Variants in CEP170 observed in about 807,000 individuals in gnomAD.
CEP170 encodes centrosomal protein of 170 kDa.
Under a neutral mutation model 151.9 loss-of-function variants are expected in CEP170, and 21 were observed. That is an observed-to-expected ratio of 0.14 (90% CI 0.10 to 0.20). The LOEUF (loss-of-function observed/expected upper bound fraction) is 0.20. Ranked by LOEUF, CEP170 falls within the 10% of genes least tolerant of loss-of-function variation. CEP170 has a pLI of 1.00. For missense variants in CEP170, 964 were observed against 1,892.9 expected (o/e 0.51, Z 9.11); for synonymous variants, 356 against 648.8 (o/e 0.55, Z 6.86).
intron 10 of CEP170, among the ~76,000 whole-genome samples, chr1:243,183,405 C>T (rs2059754882): frequency 6.6e-6 from 1 of 152,118 alleles, no homozygotes. Flanking sequence ...TGACAACACT[C>T]ATCCAGGCAA....
intron 1 of CEP170, among the ~76,000 whole-genome samples, chr1:243,252,933 A>C (rs1476073726): frequency 6.6e-6 from 1 of 152,226 alleles, no homozygotes; most frequent in African/African-American, 2.4e-5. Flanking sequence ...AGTTTAAGTT[A>C]AAAGTAATCA....
intron 10 of CEP170, among the ~76,000 whole-genome samples, chr1:243,182,076 T>C (rs934088570): frequency 1.1e-4 from 17 of 152,118 alleles, no homozygotes; most frequent in Non-Finnish European, 1.9e-4. Context: ...AGATCTCTCA[T>C]GAATATATTA....
chr1:243,136,757 T>C (rs1297390162), intron 16 of CEP170, among the ~76,000 whole-genome samples: 1 of 152,108 alleles, frequency 6.6e-6, no homozygotes, highest in Non-Finnish European at 1.5e-5. Context: ...TTGAGATGCG[T>C]GGGCAAAACC....
intron 16 of CEP170, among the ~76,000 whole-genome samples, chr1:243,137,209 C>A (rs893010986): frequency 6.6e-6 from 1 of 152,096 alleles, no homozygotes; most frequent in Non-Finnish European, 1.5e-5. Flanking sequence ...AAGCCCTAGG[C>A]CAAATCATGA....
chr1:243,176,429 C>A (rs1490561695), intron 10 of CEP170, among the ~76,000 whole-genome samples: 1 of 150,810 alleles, frequency 6.6e-6, no homozygotes, highest in East Asian at 2.0e-4. Flanking sequence ...TCGTACTGGG[C>A]GTAGGAAGTG....
chr1:243,229,061 C>T (rs1467315551), intron 1 of CEP170, among the ~76,000 whole-genome samples: 3 of 152,172 alleles, frequency 2.0e-5, no homozygotes, highest in Non-Finnish European at 2.9e-5. Flanking sequence ...GACAGCTTTC[C>T]GACTGGTCCC....
intron 3 of CEP170, among the ~76,000 whole-genome samples, chr1:243,221,367 C>T (rs1416116058): frequency 6.6e-6 from 1 of 152,202 alleles, no homozygotes; most frequent in African/African-American, 2.4e-5. Flanking sequence ...ACTTCTCTGT[C>T]CCTGAGAGTA....
At chr1:243,149,027 G>A (rs2056811123) in intron 14 of CEP170, among the ~76,000 whole-genome samples, 1 of 152,166 alleles carries the variant, frequency 6.6e-6, no homozygotes, top group African/African-American at 2.4e-5. Context: ...GATTAGAAAA[G>A]CAGTTTGAAT....
intron 1 of CEP170, chr1:243,254,534 T>G (rs1338079018): frequency 6.6e-6 from 1 of 150,380 alleles, no homozygotes; most frequent in East Asian, 2.0e-4. Flanking sequence ...GCCAACCGCC[T>G]CACACCCCAA....
chr1:243,125,326 C>T lies in CEP170; in HGVS notation c.*1123G>A, dbSNP rs1466079802. Reference sequence around the variant, plus strand: ...AGCACAGGCCAAAGGCCTTTGTCGTCGTCTTGCAGGGTCCTTATAAATGTG... The same window carrying T: ...AGCACAGGCCAAAGGCCTTTGTCGTTGTCTTGCAGGGTCCTTATAAATGTG... On this transcript the variant is annotated 3_prime_UTR_variant, in exon 20 of 20. Transcript: ENST00000366542. 6.6e-6 allele frequency: 1 copy of T among 152,632 alleles called. No individual in the cohort carries two copies. Among genetic ancestry groups the T allele is most frequent in the African/African-American group, 2.4e-5 (1 of 41,446 alleles). 9.5% of individuals were successfully genotyped at this position (152,632 alleles called of 1,614,324 possible).
chr1:243,230,541 C>T (rs2063651915), intron 1 of CEP170, among the ~76,000 whole-genome samples: 1 of 151,960 alleles, frequency 6.6e-6, no homozygotes. Flanking sequence ...ATGAGAATAT[C>T]AGTAGGAAGA....
At chr1:243,162,972 T>C (rs1325662417) in intron 13 of CEP170, among the ~76,000 whole-genome samples, 5 of 151,980 alleles carry the variant, frequency 3.3e-5, no homozygotes, top group African/African-American at 1.2e-4. Context: ...ATAAGGAAAA[T>C]GTTGTCTATT....
At chr1:243,134,534 G>C (rs1360528179) in intron 17 of CEP170, among the ~76,000 whole-genome samples, 1 of 152,060 alleles carries the variant, frequency 6.6e-6, no homozygotes, top group Non-Finnish European at 1.5e-5. Context: ...ATCTTGCTCT[G>C]TTGCCCAGGC....
At chr1:243,129,158 G>A (rs541905404) in intron 18 of CEP170, among the ~76,000 whole-genome samples, 1 of 151,898 alleles carries the variant, frequency 6.6e-6, no homozygotes, top group African/African-American at 2.4e-5. Flanking sequence ...AACACAAAAG[G>A]CTCCTCCTTC....
At chr1:243,172,529 C>T (rs554246762) in intron 11 of CEP170, among the ~76,000 whole-genome samples, 168 bp downstream of exon 11, 4 of 152,154 alleles carry the variant, frequency 2.6e-5, no homozygotes, top group African/African-American at 4.8e-5. Context: ...CTACTTGGGA[C>T]GCTGAAGCAG....
chr1:243,166,969 C>T (rs1289461364), intron 12 of CEP170, among the ~76,000 whole-genome samples: 1 of 152,064 alleles, frequency 6.6e-6, no homozygotes, highest in Non-Finnish European at 1.5e-5. Context: ...AAAGGGTCAT[C>T]TGATCTTAAA....
intron 1 of CEP170, among the ~76,000 whole-genome samples, chr1:243,226,453 G>C (rs2063310791): frequency 1.3e-5 from 2 of 151,758 alleles, no homozygotes; most frequent in Admixed American, 6.6e-5. Context: ...ACTGGTATCA[G>C]CTTTGAATTT....
intron 3 of CEP170, among the ~76,000 whole-genome samples, chr1:243,217,126 A>T (rs2062369770): frequency 6.6e-6 from 1 of 152,186 alleles, no homozygotes. Context: ...TATTGTATGC[A>T]ATTGTAACAC....
At chr1:243,255,725 A>G (rs372948183), upstream of CEP170, among the ~76,000 whole-genome samples, 34 of 152,338 alleles carry the variant, frequency 2.2e-4, no homozygotes, top group African/African-American at 8.2e-4. Context: ...GCAAATTTCG[A>G]AGCGTCAAGG....
Sources: allele counts gnomAD v4.1 joint callset (sites outside exome capture counted in the v4.1 genomes callset), GRCh38; gene constraint gnomAD v4.1.1; transcripts MANE v1.5; gene names NCBI Gene and HGNC (gene_info 2026-07-23, HGNC 2026-07-21).